Variants in VSTM2L observed in about 807,000 individuals in gnomAD.
VSTM2L encodes V-set and transmembrane domain-containing protein 2-like protein.
Under a neutral mutation model 19.9 loss-of-function variants are expected in VSTM2L, and 9 were observed. The ratio of observed to expected loss-of-function variants is 0.45; its 90% CI spans 0.27 to 0.79. VSTM2L has a LOEUF of 0.79. Ranked by LOEUF, VSTM2L falls within the 30% of genes least tolerant of loss-of-function variation. The probability of loss-of-function intolerance (pLI) is 0.15; values close to 1 mark genes in which losing one functional copy is unlikely to be tolerated. For missense variants in VSTM2L, 286 were observed against 295.5 expected, an observed-to-expected ratio of 0.97 and a Z score of 0.24; for synonymous variants, 127 against 133.8, an observed-to-expected ratio of 0.95 and a Z score of 0.35.
chr20:37,914,621 C>G (rs1277286424), intron 1 of VSTM2L, among the ~76,000 whole-genome samples: 1 of 152,034 alleles, frequency 6.6e-6, no homozygotes, highest in Non-Finnish European at 1.5e-5. Flanking sequence ...CTTCCCGTCT[C>G]CCGGCTCCTG....
At chr20:37,915,922 T>C (rs1039883611) in intron 1 of VSTM2L, among the ~76,000 whole-genome samples, 3 of 152,142 alleles carry the variant, frequency 2.0e-5, no homozygotes, top group Non-Finnish European at 4.4e-5. Flanking sequence ...TGCCCCGTCC[T>C]TCATGTCCCT....
chr20:37,926,653 C>T (rs73908025), intron 1 of VSTM2L, among the ~76,000 whole-genome samples: 57 of 152,348 alleles, frequency 3.7e-4, no homozygotes, highest in African/African-American at 1.3e-3. Context: ...ATAGCTCTAC[C>T]AGCACAAGGC....
intron 1 of VSTM2L, among the ~76,000 whole-genome samples, chr20:37,926,072 G>GT (rs2072877674): frequency 6.6e-6 from 1 of 152,016 alleles, no homozygotes; most frequent in African/African-American, 2.4e-5. Flanking sequence ...TTTTTTGTTT[G>GT]TTTTTTGAGA....
chr20:37,944,451 G>A lies in VSTM2L; in HGVS notation c.*198G>A. The A allele has an allele frequency of 8.5e-7, 1 of 1,179,386 alleles. No individual in the cohort carries two copies. The highest frequency in any genetic ancestry group is 1.7e-5 in the African/African-American group (1 of 59,528). The allele number at this position is 1,179,386 out of a possible 1,614,324, so 73.1% of individuals were successfully genotyped here. A position where few individuals can be genotyped will look rare whatever the true frequency, so the allele number is the denominator to read the frequency against. ...CCCACCCCTGCCCTTTCAGACCCCT[G>A]CGGTGACCTGGCTCGGAGAAGGTGG... On this transcript the variant is annotated 3_prime_UTR_variant, in exon 4 of 4. Transcript: ENST00000373461.
chr20:37,943,072 A>G (rs1021878260), intron 3 of VSTM2L, among the ~76,000 whole-genome samples: 2 of 150,472 alleles, frequency 1.3e-5, no homozygotes, highest in Non-Finnish European at 3.0e-5. Context: ...TGTTCAAGTG[A>G]TTTTCGTGCC....
intron 1 of VSTM2L, among the ~76,000 whole-genome samples, chr20:37,926,061 T>C (rs899171362): frequency 1.3e-5 from 2 of 152,148 alleles, no homozygotes; most frequent in African/African-American, 2.4e-5. Flanking sequence ...GATTGAGCCC[T>C]TTTTTTGTTT....
Position 37,944,178 on chromosome 20 carries a change from G to GCCCCCCCCCCC in VSTM2L, c.543_544insCCCCCCCCCCC (p.Ala182ProfsTer15). Reference sequence around the variant, plus strand: ...ATCTGCCCGAAGCCCCTCCCGCCGCGCCCGCCCCGCCGCCCCCCAAGCCAG... The same window carrying GCCCCCCCCCCC: ...ATCTGCCCGAAGCCCCTCCCGCCGCGCCCCCCCCCCCCCCGCCCCGCCGCCCCCCAAGCCAG... On this transcript the variant is annotated frameshift_variant, in exon 4 of 4. Coordinates refer to ENST00000373461, the MANE Select transcript of VSTM2L (RefSeq NM_080607.3). LOFTEE classifies it high-confidence loss of function. 2 of 1,517,036 alleles carry GCCCCCCCCCCC rather than the reference G, an allele frequency of 1.3e-6. No homozygotes were observed. The highest frequency in any genetic ancestry group is 1.2e-5 in the South Asian group (1 of 83,052). The allele number at this position is 1,517,036 out of a possible 1,614,324, so 94.0% of individuals were successfully genotyped here. A position where few individuals can be genotyped will look rare whatever the true frequency, so the allele number is the denominator to read the frequency against.
At chr20:37,912,223 G>T (rs1051850993) in intron 1 of VSTM2L, among the ~76,000 whole-genome samples, 1 of 152,210 alleles carries the variant, frequency 6.6e-6, no homozygotes, top group African/African-American at 2.4e-5. Flanking sequence ...CGTAGCCTGC[G>T]CATCTGTCTG....
chr20:37,903,171 C>A lies in VSTM2L; in HGVS notation c.-180C>A. On this transcript the variant is annotated 5_prime_UTR_variant, in exon 1 of 4. Coordinates refer to ENST00000373461, the MANE Select transcript of VSTM2L (RefSeq NM_080607.3). ...TGGGCGTGCGCTCGCTCCCCGAAGC[C>A]GGGGCTGGGCCGGAGCCGGGCGAGG... The A allele has an allele frequency of 1.2e-6, 1 of 828,232 alleles. No homozygotes were observed. The highest frequency in any genetic ancestry group is 1.6e-6 in the Non-Finnish European group (1 of 633,876). 51.3% of individuals were successfully genotyped at this position (828,232 alleles called of 1,614,324 possible). A position where few individuals can be genotyped will look rare whatever the true frequency, so the allele number is the denominator to read the frequency against.
intron 1 of VSTM2L, among the ~76,000 whole-genome samples, chr20:37,928,307 C>T (rs1271617378): frequency 3.3e-5 from 5 of 152,146 alleles, no homozygotes; most frequent in African/African-American, 1.2e-4. Flanking sequence ...GCAGGCTCCT[C>T]ACTATCTCCT....
intron 3 of VSTM2L, among the ~76,000 whole-genome samples, chr20:37,939,311 G>C (rs745737879): frequency 6.6e-5 from 10 of 152,190 alleles, no homozygotes; most frequent in African/African-American, 2.4e-4. Flanking sequence ...GAGGTCGGAG[G>C]GGGTGCTGAA....
At chr20:37,924,310 T>C (rs2072868020) in intron 1 of VSTM2L, among the ~76,000 whole-genome samples, 2 of 151,866 alleles carry the variant, frequency 1.3e-5, no homozygotes, top group South Asian at 4.1e-4. Context: ...CCCAGCACTT[T>C]GGGAGGCCGA....
At chr20:37,914,180 G>C (rs571793609) in intron 1 of VSTM2L, among the ~76,000 whole-genome samples, 117 of 151,138 alleles carry the variant, frequency 7.7e-4, no homozygotes, top group Admixed American at 2.2e-3. Context: ...GTGTGCATAT[G>C]TGTGTATGTG....
intron 1 of VSTM2L, among the ~76,000 whole-genome samples, chr20:37,920,468 A>G (rs1158283333): frequency 6.6e-6 from 1 of 152,094 alleles, no homozygotes; most frequent in Non-Finnish European, 1.5e-5. Context: ...GCCTTTATTT[A>G]TTGCCCTGTT....
chr20:37,938,539 G>A (rs975124202), intron 3 of VSTM2L, among the ~76,000 whole-genome samples: 53 of 152,198 alleles, frequency 3.5e-4, no homozygotes, highest in Non-Finnish European at 4.6e-4. Flanking sequence ...GCTGGAAGAC[G>A]ATCCCAGCCT....
At chr20:37,904,533 C>T (rs1047357706) in intron 1 of VSTM2L, among the ~76,000 whole-genome samples, 13 of 152,218 alleles carry the variant, frequency 8.5e-5, no homozygotes, top group African/African-American at 3.1e-4. Flanking sequence ...CCCCTGTGAG[C>T]CTGGCTCTGG....
chr20:37,928,312 T>C (rs570349204), intron 1 of VSTM2L, among the ~76,000 whole-genome samples: 23 of 152,204 alleles, frequency 1.5e-4, no homozygotes, highest in African/African-American at 5.3e-4. Context: ...CTCCTCACTA[T>C]CTCCTTGTGT....
chr20:37,910,966 A>G (rs2072776319), intron 1 of VSTM2L, among the ~76,000 whole-genome samples: 1 of 150,940 alleles, frequency 6.6e-6, no homozygotes, highest in African/African-American at 2.4e-5. Context: ...ATATATACGT[A>G]TTGTGATAAG....
chr20:37,940,517 C>T (rs977054376), intron 3 of VSTM2L, among the ~76,000 whole-genome samples: 46 of 152,248 alleles, frequency 3.0e-4, no homozygotes, highest in African/African-American at 1.1e-3. Flanking sequence ...GCACTGGTGG[C>T]CCTCGGTGAG....
Sources: gnomAD v4.1 joint callset for allele counts (sites outside exome capture counted in the v4.1 genomes callset) on GRCh38, gnomAD v4.1.1 for gene constraint, MANE v1.5 for transcripts, NCBI Gene and HGNC (gene_info 2026-07-23, HGNC 2026-07-21) for gene names.